USP54: variants seen among roughly 807,000 people sequenced by gnomAD.
USP54 encodes the protein ubiquitin specific peptidase 54, also known as ubiquitin carboxyl-terminal hydrolase 54.
In USP54, 87 loss-of-function variants were observed where a neutral mutation model predicts 170.5. The observed-to-expected ratio is 0.51, with a 90% CI of 0.43 to 0.61. The LOEUF (loss-of-function observed/expected upper bound fraction) is 0.61, where lower values mean the gene tolerates loss of function less well. Ranked by LOEUF, USP54 falls within the 20% of genes least tolerant of loss-of-function variation. USP54 has a pLI of 0.00. For synonymous variants in USP54, 655 were observed against 742.8 expected, an observed-to-expected ratio of 0.88 and a Z score of 1.92; for missense variants, 1,786 against 2,047.8, an observed-to-expected ratio of 0.87 and a Z score of 2.47.
chr10:73,568,938 A>C (rs1407263854), intron 4 of USP54, among the ~76,000 whole-genome samples: 1 of 152,208 alleles, frequency 6.6e-6, no homozygotes, highest in East Asian at 1.9e-4. Context: ...ATTTATACTA[A>C]GTAACAATTT....
chr10:73,541,786 T>C lies in USP54; in HGVS notation c.573-48A>G, dbSNP rs780487015. ...GGGATGATGGTTTGTATTTAGTTAC[T>C]GCTAAATCAAACATTAATGTACATT... On this transcript the variant is annotated intron_variant, in intron 7 of 23. Transcript: ENST00000687698. 13 of 1,542,822 alleles carry C rather than the reference T, an allele frequency of 8.4e-6. No homozygotes were observed. The East Asian group carries it at 2.7e-4, about 32-fold the overall frequency.
rs763210885 is a variant in USP54 at position 73,542,793 on chromosome 10, TA to T, written c.572+9del. On this transcript the variant is annotated intron_variant, in intron 7 of 23. Coordinates refer to ENST00000687698, the MANE Select transcript of USP54 (RefSeq NM_001391956.1). The stretch of plus-strand genomic sequence containing the variant: ...CCTAAACGCACAACAGAAAATCTTG[TA>T]AGACTCACCAAAGGGAAGTGGTGGA... 9 of 1,612,528 alleles carry T rather than the reference TA, an allele frequency of 5.6e-6. No individual in the cohort carries two copies. In the African/African-American group the frequency reaches 1.2e-4, roughly 22 times the overall value.
At chr10:73,623,525 TGTA>T (rs2081252087) in intron 1 of USP54, among the ~76,000 whole-genome samples, 1 of 152,156 alleles carries the variant, frequency 6.6e-6, no homozygotes. Context: ...GGCCCTCACC[TGTA>T]GTCTCAGCTC....
At position 73,544,249 on chromosome 10, in the gene USP54, T is replaced by C. The variant is rs182273230; in HGVS notation, c.376-1118A>G. Among the ~76,000 whole-genome samples, 3 of 152,334 alleles carry C rather than the reference T, an allele frequency of 2.0e-5. No homozygotes were observed. The East Asian group carries it at 5.8e-4, about 29-fold the overall frequency. On this transcript the variant is annotated intron_variant, in intron 5 of 23. Transcript: ENST00000687698. ...TGAGCCCGGCCAGCATATAACCTTT[T>C]GATATTGCATTTTTCACTTTCCCTT...
rs779795367 is a variant in USP54 at position 73,543,147 on chromosome 10, C to G, written c.376-16G>C. 2 of 1,565,104 alleles carry G rather than the reference C, an allele frequency of 1.3e-6. No individual in the cohort carries two copies. Among genetic ancestry groups the G allele is most frequent in the Non-Finnish European group, 1.8e-6 (2 of 1,135,592 alleles). Reference sequence around the variant, plus strand: ...GGAGGTTTTCCTGACAGGGAAAGAACAAAAGCAGTATACCAACAATATTTA... The same window carrying G: ...GGAGGTTTTCCTGACAGGGAAAGAAGAAAAGCAGTATACCAACAATATTTA... On this transcript the variant is annotated splice_polypyrimidine_tract_variant and intron_variant, in intron 5 of 23. Coordinates refer to ENST00000687698, the MANE Select transcript of USP54 (RefSeq NM_001391956.1).
intron 9 of USP54, among the ~76,000 whole-genome samples, chr10:73,540,728 G>A (rs530127859): frequency 6.6e-6 from 1 of 152,112 alleles, no homozygotes; most frequent in African/African-American, 2.4e-5. Context: ...CTGAGTAGCT[G>A]GGACTACAGG....
intron 1 of USP54, chr10:73,611,398 C>T (rs1166199100): frequency 1.3e-5 from 2 of 152,094 alleles, no homozygotes; most frequent in African/African-American, 4.8e-5. Flanking sequence ...TCTATAAGCT[C>T]AGCTACTTGG....
At chr10:73,567,127 C>T (rs2074030656) in intron 4 of USP54, among the ~76,000 whole-genome samples, 1 of 151,930 alleles carries the variant, frequency 6.6e-6, no homozygotes, top group Non-Finnish European at 1.5e-5. Flanking sequence ...GATCCACCCG[C>T]CTCAGCCTCC....
intron 1 of USP54, among the ~76,000 whole-genome samples, chr10:73,583,413 G>A (rs1250402702): frequency 6.6e-6 from 1 of 152,190 alleles, no homozygotes; most frequent in Non-Finnish European, 1.5e-5. Flanking sequence ...AGCCTCTGGA[G>A]TAGCTGGGAT....
chr10:73,530,983 G>T, intron 12 of USP54, 148 bp from the exon 13 acceptor site: 1 of 1,102,292 alleles, frequency 9.1e-7, no homozygotes, highest in Non-Finnish European at 1.3e-6. Flanking sequence ...TGATTTCAGT[G>T]TAGGAACCTC....
chr10:73,529,916 C>T lies in USP54; in HGVS notation c.1829-5G>A, dbSNP rs2063660251. On this transcript the variant is annotated splice_region_variant and splice_polypyrimidine_tract_variant and intron_variant, in intron 14 of 23. Transcript: ENST00000687698. ...CATCTGGTATAAATTCTTTAGCTATCCCAATCAAAAGACAGGTATGGAAAA... is the reference window on the plus strand; with the variant it reads ...CATCTGGTATAAATTCTTTAGCTATTCCAATCAAAAGACAGGTATGGAAAA... The T allele has an allele frequency of 1.3e-6, 2 of 1,521,800 alleles. No homozygotes were observed. The highest frequency in any genetic ancestry group is 1.3e-5 in the South Asian group (1 of 75,398). The allele number at this position is 1,521,800 out of a possible 1,614,324, so 94.3% of individuals were successfully genotyped here.
chr10:73,604,476 C>G (rs1335569220), intron 1 of USP54, among the ~76,000 whole-genome samples: 1 of 152,062 alleles, frequency 6.6e-6, no homozygotes, highest in African/African-American at 2.4e-5. Flanking sequence ...AGATAACTTG[C>G]CAGGCACATT....
intron 12 of USP54, among the ~76,000 whole-genome samples, chr10:73,531,921 G>C (rs898701283): frequency 2.0e-5 from 3 of 152,010 alleles, no homozygotes; most frequent in Non-Finnish European, 4.4e-5. Flanking sequence ...AATTAAGCAG[G>C]TAAATTAAGT....
intron 1 of USP54, 106 bp downstream of exon 1, chr10:73,591,172 C>T (rs562079807): frequency 2.0e-5 from 3 of 152,184 alleles, no homozygotes; most frequent in East Asian, 3.9e-4. Context: ...GCTTATTAAT[C>T]AGTGCTTGGG....
rs1041069870 is a variant in USP54, at chr10:73,576,162, C to G, written c.-382G>C. On this transcript the variant is annotated 5_prime_UTR_variant, in exon 2 of 24. Coordinates refer to ENST00000687698, the MANE Select transcript of USP54 (RefSeq NM_001391956.1). ...CTCTATTGCCTTGTCTCATCATCCT[C>G]TGAAGCAAAAACTCAAATTCTGAGC... The G allele has an allele frequency of 6.6e-6, 1 of 152,230 alleles. No individual in the cohort carries two copies. Among genetic ancestry groups the G allele is most frequent in the Non-Finnish European group, 1.5e-5 (1 of 68,058 alleles). 9.4% of individuals were successfully genotyped at this position (152,230 alleles called of 1,614,324 possible). A position where few individuals can be genotyped will look rare whatever the true frequency, so the allele number is the denominator to read the frequency against.
chr10:73,512,890 T>C (rs1463344345), intron 20 of USP54, among the ~76,000 whole-genome samples: 1 of 152,136 alleles, frequency 6.6e-6, no homozygotes, highest in Non-Finnish European at 1.5e-5. Context: ...TCAGGTATGG[T>C]AGTGCATGCC....
chr10:73,546,645 T>C (rs1478959785), intron 4 of USP54: 1 of 152,210 alleles, frequency 6.6e-6, no homozygotes, highest in Non-Finnish European at 1.5e-5. Flanking sequence ...TTATTAGTAT[T>C]TTTCATGTAA....
chr10:73,542,977 T>C, intron 6 of USP54, 41 bp downstream of exon 6: 1 of 1,608,916 alleles, frequency 6.2e-7, no homozygotes, highest in Non-Finnish European at 8.5e-7. Flanking sequence ...GATAAAGTGT[T>C]CTGGAAGAAA....
intron 4 of USP54, among the ~76,000 whole-genome samples, chr10:73,547,255 A>G (rs1198147449): frequency 6.6e-6 from 1 of 152,122 alleles, no homozygotes; most frequent in African/African-American, 2.4e-5. Flanking sequence ...TACAAAACTT[A>G]GCCCAGCATG....
Sources: allele counts gnomAD v4.1 joint callset (sites outside exome capture counted in the v4.1 genomes callset), GRCh38; gene constraint gnomAD v4.1.1; transcripts MANE v1.5; gene names NCBI Gene and HGNC (gene_info 2026-07-23, HGNC 2026-07-21).